RAB3C: variants seen among roughly 807,000 people sequenced by gnomAD.
RAB3C encodes the protein RAB3C, member RAS oncogene family, also known as ras-related protein Rab-3C.
In RAB3C, 17 loss-of-function variants were observed where a neutral mutation model predicts 26.4. The observed-to-expected ratio is 0.64, with a 90% CI of 0.44 to 0.97. The LOEUF is 0.97. RAB3C is among the 50% of genes least tolerant of loss of function. RAB3C has a pLI of 0.00. For synonymous variants in RAB3C, 91 were observed against 95.9 expected (o/e 0.95, Z 0.30); for missense variants, 242 against 281.9 (o/e 0.86, Z 1.01).
At chr5:58,789,231 T>G (rs1266032855) in intron 3 of RAB3C, among the ~76,000 whole-genome samples, 4 of 152,124 alleles carry the variant, frequency 2.6e-5, no homozygotes, top group Admixed American at 6.6e-5. Flanking sequence ...CTGCCTCATT[T>G]AGAGCCCGTT....
chr5:58,596,272 G>C (rs1296095436), intron 1 of RAB3C, among the ~76,000 whole-genome samples: 1 of 151,764 alleles, frequency 6.6e-6, no homozygotes, highest in African/African-American at 2.4e-5. Flanking sequence ...AAGAGTTCTT[G>C]TGAGGTTTTT....
At chr5:58,696,325 C>T (rs906514004) in intron 2 of RAB3C, among the ~76,000 whole-genome samples, 4 of 152,142 alleles carry the variant, frequency 2.6e-5, no homozygotes, top group Non-Finnish European at 4.4e-5. Flanking sequence ...TTCGGTTTGC[C>T]AGTATTTTAT....
intron 4 of RAB3C, among the ~76,000 whole-genome samples, chr5:58,834,726 G>A (rs2675370): frequency 0.54 from 82,675 of 152,010 alleles, 22,895 homozygotes; most frequent in Middle Eastern, 0.72. Context: ...AGTATTCCCA[G>A]GAGGTATAAA....
At chr5:58,833,021 AT>A (rs11348590) in intron 4 of RAB3C, among the ~76,000 whole-genome samples, 81,122 of 151,406 alleles carry the variant, frequency 0.54, 22,050 homozygotes, top group Middle Eastern at 0.71. Flanking sequence ...TCGTACCTCA[AT>A]TTTTTTTTCA....
intron 2 of RAB3C, among the ~76,000 whole-genome samples, chr5:58,713,169 G>A (rs1749097708): frequency 6.6e-6 from 1 of 152,148 alleles, no homozygotes; most frequent in Non-Finnish European, 1.5e-5. Context: ...GATGGAGGTA[G>A]TGGGGTCATC....
chr5:58,728,346 C>T (rs930271067), intron 3 of RAB3C, among the ~76,000 whole-genome samples: 1 of 151,980 alleles, frequency 6.6e-6, no homozygotes, highest in African/African-American at 2.4e-5. Flanking sequence ...TCCTCTTTTA[C>T]AAATAGAATC....
At chr5:58,813,592 TTATATATATATATATATA>T (rs869039335) in intron 3 of RAB3C, among the ~76,000 whole-genome samples, 11 of 47,814 alleles carry the variant, frequency 2.3e-4, no homozygotes, top group African/African-American at 3.2e-4. Context: ...ATATTTATAT[TTATATATATATATATATA>T]TATATATATA....
intron 3 of RAB3C, among the ~76,000 whole-genome samples, chr5:58,789,202 G>A (rs967267221): frequency 6.6e-6 from 1 of 152,068 alleles, no homozygotes; most frequent in Admixed American, 6.6e-5. Flanking sequence ...TATCACCGCT[G>A]TTCTGCTTGG....
At chr5:58,627,438 G>C (rs1335113812) in intron 2 of RAB3C, among the ~76,000 whole-genome samples, 1 of 75,940 alleles carries the variant, frequency 1.3e-5, no homozygotes, top group Non-Finnish European at 2.5e-5. Flanking sequence ...GCAGTCCGCA[G>C]TCCGGCCTGG....
chr5:58,716,710 T>C (rs1749179867), intron 2 of RAB3C, among the ~76,000 whole-genome samples: 1 of 151,856 alleles, frequency 6.6e-6, no homozygotes, highest in Non-Finnish European at 1.5e-5. Flanking sequence ...CTAAACCCTG[T>C]TTTTGATCGT....
At chr5:58,722,472 G>A (rs1740792865) in intron 2 of RAB3C, among the ~76,000 whole-genome samples, 1 of 151,508 alleles carries the variant, frequency 6.6e-6, no homozygotes, top group South Asian at 2.1e-4. Flanking sequence ...TTTACAATAG[G>A]CAAAATAAAA....
rs1288690995 is a variant in RAB3C at position 58,702,841 on chromosome 5, T to A, written c.253-23161T>A. 2.0e-5 allele frequency among the ~76,000 whole-genome samples: 3 copies of A among 152,012 alleles called. No individual in the cohort carries two copies. The East Asian group carries it at 5.8e-4, about 29-fold the overall frequency. On this transcript the variant is annotated intron_variant, in intron 2 of 4. Transcript: ENST00000282878. ...ACTAATAATATTTACACATTTTCAG[T>A]TAATCTTTTTGATATCTAAATCTAC...
chr5:58,812,458 A>G (rs1743115679), intron 3 of RAB3C, among the ~76,000 whole-genome samples: 1 of 152,214 alleles, frequency 6.6e-6, no homozygotes, highest in South Asian at 2.1e-4. Flanking sequence ...AATGCCTGCT[A>G]AAGTTGAAAA....
At chr5:58,736,142 T>C (rs542574317) in intron 3 of RAB3C, among the ~76,000 whole-genome samples, 1 of 152,318 alleles carries the variant, frequency 6.6e-6, no homozygotes, top group Admixed American at 6.5e-5. Context: ...TCCCTCCTGC[T>C]TTCCTGCAGC....
At chr5:58,695,822 G>T (rs759786583) in intron 2 of RAB3C, among the ~76,000 whole-genome samples, 7 of 152,142 alleles carry the variant, frequency 4.6e-5, no homozygotes, top group Non-Finnish European at 7.3e-5. Flanking sequence ...GGAGATTTGG[G>T]CTGAGACGAT....
At chr5:58,677,323 G>T (rs1320670586) in intron 2 of RAB3C, among the ~76,000 whole-genome samples, 2 of 152,140 alleles carry the variant, frequency 1.3e-5, no homozygotes, top group African/African-American at 4.8e-5. Flanking sequence ...ATAAATTTCG[G>T]GGAGTGGGCA....
At chr5:58,730,592 T>G (rs1740992203) in intron 3 of RAB3C, among the ~76,000 whole-genome samples, 1 of 152,028 alleles carries the variant, frequency 6.6e-6, no homozygotes, top group South Asian at 2.1e-4. Context: ...AAAGAAAAAT[T>G]AATTAAAGCT....
upstream of RAB3C, chr5:58,582,325 C>T: frequency 1.1e-6 from 1 of 884,434 alleles, no homozygotes; most frequent in Non-Finnish European, 1.4e-6. Flanking sequence ...TCATTTTAGC[C>T]CCGCTTCCTA....
At chr5:58,678,601 A>G (rs1748278624) in intron 2 of RAB3C, among the ~76,000 whole-genome samples, 1 of 152,206 alleles carries the variant, frequency 6.6e-6, no homozygotes, top group Admixed American at 6.5e-5. Context: ...GAAAAGTATT[A>G]ATATGCTAGC....
Sources: allele counts gnomAD v4.1 joint callset (sites outside exome capture counted in the v4.1 genomes callset), GRCh38; gene constraint gnomAD v4.1.1; transcripts MANE v1.5; gene names NCBI Gene and HGNC (gene_info 2026-07-23, HGNC 2026-07-21).